The following TBX4 variants were observed in gnomAD, a reference collection of about 807,000 sequenced individuals.
The protein encoded by TBX4 is T-box transcription factor 4.
In TBX4, 13 loss-of-function variants were observed where a neutral mutation model predicts 54.6. That is an observed-to-expected ratio of 0.24 (90% confidence interval 0.15 to 0.38). The LOEUF (loss-of-function observed/expected upper bound fraction) is 0.38, where lower values mean the gene tolerates loss of function less well. TBX4 is among the 10% of genes least tolerant of loss of function. The pLI, the probability that TBX4 is intolerant of heterozygous loss-of-function variation, is 1.00. For synonymous variants in TBX4, 314 were observed against 306.7 expected (o/e 1.02, Z -0.25); for missense variants, 631 against 728.5 (o/e 0.87, Z 1.54).
In TBX4 at chr17:61,467,669, G is replaced by T. The variant is rs375473158; in HGVS notation, c.549+12G>T. On this transcript the variant is annotated intron_variant, in intron 5 of 8. Coordinates refer to ENST00000644296, the MANE Select transcript of TBX4 (RefSeq NM_001321120.2). Reference sequence around the variant, plus strand: ...ACCCCTTTGGCCATGTAAGCATGGGGGCTGCCTGGCCCCAGGAGGCAAGTC... The same window carrying T: ...ACCCCTTTGGCCATGTAAGCATGGGTGCTGCCTGGCCCCAGGAGGCAAGTC... 3.8e-5 allele frequency: 62 copies of T among 1,614,018 alleles called. 1 individual carries two copies. The African/African-American group carries it at 6.5e-4, about 17-fold the overall frequency.
At chr17:61,455,264 G>A (rs535141245) in intron 1 of TBX4, among the ~76,000 whole-genome samples, 1 of 152,218 alleles carries the variant, frequency 6.6e-6, no homozygotes, top group East Asian at 1.9e-4. Context: ...AGATGGGCGA[G>A]AGGCCTGAGC....
intron 5 of TBX4, among the ~76,000 whole-genome samples, chr17:61,477,500 T>G (rs910524677): frequency 1.3e-5 from 2 of 152,170 alleles, no homozygotes; most frequent in African/African-American, 2.4e-5. Context: ...TGGCACTATT[T>G]TGGAAACTGT....
chr17:61,470,224 G>A (rs1249944417), intron 5 of TBX4, among the ~76,000 whole-genome samples: 1 of 152,220 alleles, frequency 6.6e-6, no homozygotes, highest in Non-Finnish European at 1.5e-5. Flanking sequence ...CTCATCCCAG[G>A]AGATGAGCAG....
intron 3 of TBX4, among the ~76,000 whole-genome samples, chr17:61,458,456 C>T (rs1194318487): frequency 6.6e-6 from 1 of 152,110 alleles, no homozygotes; most frequent in Non-Finnish European, 1.5e-5. Context: ...CCTGCACATA[C>T]ACACACTTGA....
In TBX4 at chr17:61,479,740, G is replaced by A; in HGVS notation, c.703-141G>A. The A allele has an allele frequency of 1.2e-6, 1 of 869,032 alleles. No individual in the cohort carries two copies. Among genetic ancestry groups the A allele is most frequent in the South Asian group, 1.4e-5 (1 of 70,944 alleles). The allele number at this position is 869,032 out of a possible 1,614,324, so 53.8% of individuals were successfully genotyped here. On this transcript the variant is annotated intron_variant, in intron 6 of 8. Coordinates refer to ENST00000644296, the MANE Select transcript of TBX4 (RefSeq NM_001321120.2). This position sits in a 1 kb window ranked among gnomAD's most constrained non-coding sequence, Gnocchi z 6.1. ...AGTCCAGTCCCACCCTCCTCCCCAA[G>A]GAGGGTAGTGAGAAGCGGTGAGGCT...
chr17:61,468,374 G>T lies in TBX4; in HGVS notation c.549+717G>T, dbSNP rs142364086. The stretch of plus-strand genomic sequence containing the variant: ...TGGAAATTTTTAGCTCAAGTGTGTG[G>T]CAAACAGAAGTCTGGGGACCTGGTA... On this transcript the variant is annotated intron_variant, in intron 5 of 8. Transcript: ENST00000644296. Among the ~76,000 whole-genome samples, 1,283 of 152,362 alleles carry T rather than the reference G, an allele frequency of 8.4e-3. 12 individuals carry two copies. The highest frequency in any genetic ancestry group is 0.028 in the African/African-American group (1,173 of 41,586).
intron 1 of TBX4, chr17:61,452,825 T>C (rs1175652632): frequency 1.3e-6 from 1 of 762,450 alleles, no homozygotes; most frequent in Non-Finnish European, 1.6e-6. Flanking sequence ...AGTAACGCGA[T>C]GAATTGGGTC....
At chr17:61,477,200 G>T (rs118125184) in intron 5 of TBX4, among the ~76,000 whole-genome samples, 1 of 152,342 alleles carries the variant, frequency 6.6e-6, no homozygotes, top group East Asian at 1.9e-4. Context: ...AACAGAAGCC[G>T]CAGGGCTGAT....
chr17:61,456,311 G>A (rs2060448525), intron 1 of TBX4, 177 bp from the exon 2 acceptor site: 4 of 754,432 alleles, frequency 5.3e-6, no homozygotes, highest in South Asian at 4.8e-5. Flanking sequence ...AAGGGAGGAG[G>A]CGAGGGACCT....
chr17:61,467,472 CT>C (rs1448837620), intron 4 of TBX4, 37 bp from the exon 5 acceptor site: 2 of 1,614,094 alleles, frequency 1.2e-6, no homozygotes, highest in Non-Finnish European at 1.7e-6. Flanking sequence ...TCACCAGCCC[CT>C]GGAGTAATCA....
In TBX4 at chr17:61,478,738, G is replaced by C. The variant is rs918369502; in HGVS notation, c.661G>C (p.Glu221Gln). The change falls in exon 6 of 9, where the codon GAG becomes CAG. Residue 221 changes from glutamate to glutamine, a missense_variant. Glu to Gln is a conservative substitution (Grantham distance 29). Coordinates refer to ENST00000644296, the MANE Select transcript of TBX4 (RefSeq NM_001321120.2). This position sits in a 1 kb window ranked among gnomAD's most constrained non-coding sequence, Gnocchi z 7.4. ...TGCTTTCTGCACCCACGTGTTCCCA[G>C]AGACCTCCTTCATCTCTGTGACCTC... ...NTAFCTHVFP[E>Q]TSFISVTSYQ... The C allele has an allele frequency of 6.2e-6, 10 of 1,614,172 alleles. No homozygotes were observed. The highest frequency in any genetic ancestry group is 5.9e-6 in the Non-Finnish European group (7 of 1,180,038).
At position 61,484,723 on chromosome 17, in the gene TBX4, G is replaced by A. The variant is rs1225424573; in HGVS notation, c.*1207G>A. The stretch of plus-strand genomic sequence containing the variant: ...GAAATCACTAAACTCTTTGCATGCT[G>A]AATAGCTATTTATATATTATATAAA... On this transcript the variant is annotated 3_prime_UTR_variant, in exon 9 of 9. Transcript: ENST00000644296. This position sits in a 1 kb window ranked among gnomAD's most constrained non-coding sequence, Gnocchi z 4.1. The A allele has an allele frequency of 6.7e-6, 1 of 149,272 alleles. No homozygotes were observed. The highest frequency in any genetic ancestry group is 1.5e-5 in the Non-Finnish European group (1 of 67,564). 9.2% of individuals were successfully genotyped at this position (149,272 alleles called of 1,614,324 possible).
chr17:61,483,632 GTGTGTGTGTGTGTGTGTGTGTA>G lies in TBX4; in HGVS notation c.*118_*139del. 2 of 1,104,614 alleles carry G rather than the reference GTGTGTGTGTGTGTGTGTGTGTA, an allele frequency of 1.8e-6. No homozygotes were observed. Among genetic ancestry groups the G allele is most frequent in the Non-Finnish European group, 2.7e-6 (2 of 737,194 alleles). The allele number at this position is 1,104,614 out of a possible 1,614,324, so 68.4% of individuals were successfully genotyped here. On this transcript the variant is annotated 3_prime_UTR_variant, in exon 9 of 9. Coordinates refer to ENST00000644296, the MANE Select transcript of TBX4 (RefSeq NM_001321120.2). This position sits in a 1 kb window ranked among gnomAD's most constrained non-coding sequence, Gnocchi z 6.6. ...TATTCCAGTGTGTGTGTGTGTGTGTGTGTGTGTGTGTGTGTGTGTGTATACACGAGCATGTATGTATTTGGAG... is the reference window on the plus strand; with the variant it reads ...TATTCCAGTGTGTGTGTGTGTGTGTGTACACGAGCATGTATGTATTTGGAG...
In TBX4 at chr17:61,465,064, T is replaced by C. The variant is rs1483000387; in HGVS notation, c.282-755T>C. ...CAAGGCACAGAGAGGTTCAAGCAAGTTGCCTAAGGCTTATCAGTGGGGTCC... is the reference window on the plus strand; with the variant it reads ...CAAGGCACAGAGAGGTTCAAGCAAGCTGCCTAAGGCTTATCAGTGGGGTCC... On this transcript the variant is annotated intron_variant, in intron 3 of 8. Coordinates refer to ENST00000644296, the MANE Select transcript of TBX4 (RefSeq NM_001321120.2). The surrounding 1 kb of genome is among the most constrained non-coding windows in gnomAD (Gnocchi z 4.9). Among the ~76,000 whole-genome samples the C allele has an allele frequency of 6.6e-6, 1 of 152,202 alleles. No homozygotes were observed. The highest frequency in any genetic ancestry group is 1.5e-5 in the Non-Finnish European group (1 of 68,030).
Position 61,457,753 on chromosome 17 carries a change from G to A in TBX4, c.281+122G>A, listed in dbSNP as rs1364986689. On this transcript the variant is annotated intron_variant, in intron 3 of 8. Coordinates refer to ENST00000644296, the MANE Select transcript of TBX4 (RefSeq NM_001321120.2). This position sits in a 1 kb window ranked among gnomAD's most constrained non-coding sequence, Gnocchi z 8.2. ...TGTGGGAGGCCTCTCTGCCTCCTCG[G>A]GCGTCAGTGCCACCTCCCTTCGCAG... The A allele has an allele frequency of 5.5e-6, 5 of 905,278 alleles. No individual in the cohort carries two copies. In the Admixed American group the frequency reaches 1.1e-4, roughly 19 times the overall value. 56.1% of individuals were successfully genotyped at this position (905,278 alleles called of 1,614,324 possible).
rs2060608356 is a variant in TBX4, at chr17:61,474,919, C to CA, written c.550-3708_550-3707insA. Among the ~76,000 whole-genome samples, 2 of 152,200 alleles carry CA rather than the reference C, an allele frequency of 1.3e-5. No individual in the cohort carries two copies. The highest frequency in any genetic ancestry group is 2.4e-5 in the African/African-American group (1 of 41,428). ...TTTCTTCCAGATACCTGTCCAGGTTCTAGACTGTCGGAGTCAGAAGGGGTG... is the reference window on the plus strand; with the variant it reads ...TTTCTTCCAGATACCTGTCCAGGTTCATAGACTGTCGGAGTCAGAAGGGGTG... On this transcript the variant is annotated intron_variant, in intron 5 of 8. Transcript: ENST00000644296. This position sits in a 1 kb window ranked among gnomAD's most constrained non-coding sequence, Gnocchi z 4.6.
In TBX4 at chr17:61,478,674, T is replaced by C; in HGVS notation, c.597T>C (p.Val199=). The change falls in exon 6 of 9, where the codon GTT becomes GTC. Residue 199 remains valine, a synonymous_variant. Transcript: ENST00000644296. This position sits in a 1 kb window ranked among gnomAD's most constrained non-coding sequence, Gnocchi z 7.4. ...AGTACCAGCCGCGGCTCCACATCGT[T>C]AAGGCTGATGAGAACAATGCTTTCG... The part of the protein sequence containing the change: ...MHKYQPRLHI[V]KADENNAFGS... The C allele has an allele frequency of 6.2e-7, 1 of 1,614,162 alleles. No homozygotes were observed. The highest frequency in any genetic ancestry group is 8.5e-7 in the Non-Finnish European group (1 of 1,180,024).
chr17:61,478,587 A>T lies in TBX4; in HGVS notation c.550-40A>T. ...GAGGTCAAGGGCCTGGGGCTTGCGG[A>T]TGGGGACCTGGAGCTCAGCATGAGA... On this transcript the variant is annotated intron_variant, in intron 5 of 8. Transcript: ENST00000644296. The surrounding 1 kb of genome is among the most constrained non-coding windows in gnomAD (Gnocchi z 7.4). The T allele has an allele frequency of 1.9e-6, 3 of 1,614,084 alleles. No individual in the cohort carries two copies. Among genetic ancestry groups the T allele is most frequent in the Non-Finnish European group, 2.5e-6 (3 of 1,179,952 alleles).
intron 1 of TBX4, among the ~76,000 whole-genome samples, chr17:61,455,535 C>A (rs1790893330): frequency 6.6e-6 from 1 of 152,224 alleles, no homozygotes. Context: ...AGGGAGCAGG[C>A]ACCTGAGTAG....
Sources: gnomAD v4.1 joint callset for allele counts (sites outside exome capture counted in the v4.1 genomes callset) on GRCh38, gnomAD v4.1.1 for gene constraint, Gnocchi (gnomAD v3.1) non-coding constraint, MANE v1.5 for transcripts, NCBI Gene and HGNC (gene_info 2026-07-23, HGNC 2026-07-21) for gene names.